RALYL: variants seen among roughly 807,000 people sequenced by gnomAD.
RALYL encodes RALY RNA binding protein like.
A neutral mutation model predicts 35.1 loss-of-function variants in RALYL; 29 were observed. That is an observed-to-expected ratio of 0.83 (90% CI 0.61 to 1.13). RALYL has a LOEUF of 1.13. Ranked by LOEUF, RALYL falls within the 50% of genes most tolerant of loss-of-function variation. RALYL has a pLI of 0.00. For missense variants in RALYL, 359 were observed against 360.4 expected (o/e 1.00, Z 0.03); for synonymous variants, 120 against 127.6 (o/e 0.94, Z 0.40).
intron 1 of RALYL, among the ~76,000 whole-genome samples, chr8:84,429,619 T>C (rs1235969725): frequency 4.6e-5 from 7 of 152,108 alleles, no homozygotes; most frequent in Admixed American, 2.6e-4. Context: ...TTGCCATTCT[T>C]AAAATGTTAA....
intron 2 of RALYL, among the ~76,000 whole-genome samples, chr8:84,744,760 G>A (rs1387023298): frequency 2.6e-5 from 4 of 151,756 alleles, no homozygotes; most frequent in East Asian, 1.9e-4. Context: ...CATCTAATTC[G>A]GTGAAGAATA....
chr8:84,704,193 G>A (rs1840720342), intron 2 of RALYL, among the ~76,000 whole-genome samples: 1 of 152,172 alleles, frequency 6.6e-6, no homozygotes, highest in African/African-American at 2.4e-5. Context: ...GGGAGGCCAA[G>A]GTGGGCGGAT....
At chr8:84,468,976 C>T (rs2052229069) in intron 1 of RALYL, among the ~76,000 whole-genome samples, 2 of 151,252 alleles carry the variant, frequency 1.3e-5, no homozygotes, top group Admixed American at 1.3e-4. Flanking sequence ...AGTTCTCGAG[C>T]CTTGGTTTTC....
intron 1 of RALYL, among the ~76,000 whole-genome samples, chr8:84,513,872 G>A (rs766178560): frequency 4.6e-4 from 70 of 152,024 alleles, no homozygotes; most frequent in Non-Finnish European, 7.5e-4. Flanking sequence ...GAGGCAGGTG[G>A]ATCACTTGAG....
At chr8:84,546,991 C>T (rs2060401884) in intron 2 of RALYL, among the ~76,000 whole-genome samples, 1 of 152,072 alleles carries the variant, frequency 6.6e-6, no homozygotes, top group Non-Finnish European at 1.5e-5. Context: ...TTCTGGGATA[C>T]ATGTGCAGAA....
At chr8:84,857,055 A>AAAAAAAG (rs1837201549) in intron 5 of RALYL, among the ~76,000 whole-genome samples, 1 of 151,612 alleles carries the variant, frequency 6.6e-6, no homozygotes, top group African/African-American at 2.4e-5. Flanking sequence ...AAAAAAAAAA[A>AAAAAAAG]AAAAGAATTA....
chr8:84,395,767 G>A (rs1308194930), intron 1 of RALYL, among the ~76,000 whole-genome samples: 1 of 151,844 alleles, frequency 6.6e-6, no homozygotes, highest in Non-Finnish European at 1.5e-5. Flanking sequence ...GAAATAGATT[G>A]TGAAATAATC....
chr8:84,474,867 C>T (rs2053208530), intron 1 of RALYL, among the ~76,000 whole-genome samples: 1 of 148,782 alleles, frequency 6.7e-6, no homozygotes, highest in South Asian at 2.2e-4. Context: ...TGCAATTCCC[C>T]ACCCCCACCC....
intron 2 of RALYL, among the ~76,000 whole-genome samples, chr8:84,620,147 C>T (rs199896380): frequency 0.032 from 3,777 of 117,660 alleles, no homozygotes; most frequent in African/African-American, 0.042. Flanking sequence ...GCCTGCCTTG[C>T]TAGATTGGGG....
intron 1 of RALYL, among the ~76,000 whole-genome samples, chr8:84,230,146 G>A (rs1824969421): frequency 1.3e-5 from 2 of 152,132 alleles, no homozygotes; most frequent in South Asian, 4.1e-4. Context: ...AGTGCCAATA[G>A]ACTGTATATA....
In RALYL at chr8:84,529,482, A is replaced by T; in HGVS notation, c.161A>T (p.His54Leu). ...GGAAAAATAGTTGGATGTTCCGTTC[A>T]CAAAGGTTATGCATTTGTACAGTAC... The part of the protein sequence containing the change: ...KYGKIVGCSV[H>L]KGYAFVQYMS... The change falls in exon 2 of 9, where the codon CAC becomes CTC. Residue 54 changes from histidine to leucine, a missense_variant. Coordinates refer to ENST00000521268, the MANE Select transcript of RALYL (RefSeq NM_173848.7). 6.2e-7 allele frequency: 1 copy of T among 1,613,876 alleles called. No individual in the cohort carries two copies. The highest frequency in any genetic ancestry group is 8.5e-7 in the Non-Finnish European group (1 of 1,179,852).
chr8:84,195,275 A>G (rs1034271930), intron 1 of RALYL, among the ~76,000 whole-genome samples: 1 of 152,072 alleles, frequency 6.6e-6, no homozygotes, highest in Non-Finnish European at 1.5e-5. Context: ...ATCCATCTCT[A>G]CTAAAAATAC....
In RALYL at chr8:84,729,804, G is replaced by C. The variant is rs545496890; in HGVS notation, c.257-44775G>C. On this transcript the variant is annotated intron_variant, in intron 2 of 8. Transcript: ENST00000521268. ...TCTAGAAGAAATGGATAAATTCCTCGACATATACACTCTCCCAAGACTAAA... is the reference window on the plus strand; with the variant it reads ...TCTAGAAGAAATGGATAAATTCCTCCACATATACACTCTCCCAAGACTAAA... 4.3e-3 allele frequency among the ~76,000 whole-genome samples: 653 copies of C among 152,142 alleles called. 5 individuals carry two copies. The highest frequency in any genetic ancestry group is 0.014 in the African/African-American group (600 of 41,524).
intron 2 of RALYL, among the ~76,000 whole-genome samples, chr8:84,602,639 A>T (rs961375610): frequency 3.9e-5 from 6 of 152,120 alleles, no homozygotes; most frequent in Non-Finnish European, 8.8e-5. Flanking sequence ...ACCTTGGTTT[A>T]GTTATCTAAT....
At chr8:84,738,257 G>A (rs990074192) in intron 2 of RALYL, among the ~76,000 whole-genome samples, 1 of 151,924 alleles carries the variant, frequency 6.6e-6, no homozygotes, top group Non-Finnish European at 1.5e-5. Context: ...AAAGAAAGAT[G>A]AAGGACATTC....
intron 2 of RALYL, among the ~76,000 whole-genome samples, chr8:84,704,476 C>G (rs2132364223): frequency 7.5e-6 from 1 of 133,376 alleles, no homozygotes; most frequent in South Asian, 2.2e-4. Context: ...CACACACACA[C>G]ACACACAACA....
At chr8:84,761,458 TG>T (rs1812685494) in intron 2 of RALYL, among the ~76,000 whole-genome samples, 6 of 152,104 alleles carry the variant, frequency 3.9e-5, no homozygotes, top group Admixed American at 3.9e-4. Flanking sequence ...AAAGAATTTA[TG>T]GAACCTATAG....
chr8:84,505,866 A>G (rs2057126782), intron 1 of RALYL, among the ~76,000 whole-genome samples: 1 of 152,152 alleles, frequency 6.6e-6, no homozygotes, highest in Non-Finnish European at 1.5e-5. Context: ...TTTCATAAAA[A>G]TGTTGGCATA....
At chr8:84,415,204 C>T (rs371840548) in intron 1 of RALYL, among the ~76,000 whole-genome samples, 2 of 129,290 alleles carry the variant, frequency 1.5e-5, no homozygotes, top group Admixed American at 8.0e-5. Flanking sequence ...TGCAGACACT[C>T]GTTTTTTTTT....
Sources: gnomAD v4.1 joint callset for allele counts (sites outside exome capture counted in the v4.1 genomes callset) on GRCh38, gnomAD v4.1.1 for gene constraint, MANE v1.5 for transcripts, NCBI Gene and HGNC (gene_info 2026-07-23, HGNC 2026-07-21) for gene names.